Variants in SERINC5 observed in about 807,000 individuals in gnomAD.
SERINC5 encodes chromosome 5 open reading frame 12.
A neutral mutation model predicts 63.1 loss-of-function variants in SERINC5; 41 were observed. That is an observed-to-expected ratio of 0.65 (90% confidence interval 0.51 to 0.84). SERINC5 has a LOEUF of 0.84. SERINC5 is among the 40% of genes least tolerant of loss of function. SERINC5 has a pLI of 0.00. For synonymous variants in SERINC5, 222 were observed against 215.2 expected (o/e 1.03, Z -0.28); for missense variants, 523 against 573.0 (o/e 0.91, Z 0.89).
downstream of SERINC5, among the ~76,000 whole-genome samples, chr5:80,138,324 G>A (rs1316583037): frequency 6.6e-6 from 1 of 151,596 alleles, no homozygotes; most frequent in Non-Finnish European, 1.5e-5. Flanking sequence ...GGCCGGGCAC[G>A]GTGGCTCACG....
chr5:80,179,202 G>A (rs148678057), intron 2 of SERINC5, among the ~76,000 whole-genome samples: 8,013 of 152,186 alleles, frequency 0.053, 271 homozygotes, highest in Non-Finnish European at 0.067. Context: ...GGGAGGCTGA[G>A]GCAGGAGAAC....
intron 11 of SERINC5, among the ~76,000 whole-genome samples, chr5:80,131,984 T>G (rs1045445292): frequency 2.0e-5 from 3 of 152,026 alleles, no homozygotes; most frequent in Non-Finnish European, 2.9e-5. Flanking sequence ...AGAAGGCATA[T>G]GGAGAAAGAT....
chr5:80,213,386 C>A (rs140436298), intron 1 of SERINC5, among the ~76,000 whole-genome samples: 1 of 152,256 alleles, frequency 6.6e-6, no homozygotes, highest in East Asian at 1.9e-4. Context: ...TTTACAGAGA[C>A]GAGACCAAGG....
intron 1 of SERINC5, among the ~76,000 whole-genome samples, chr5:80,237,777 A>AG (rs1299649429): frequency 6.6e-6 from 1 of 151,812 alleles, no homozygotes; most frequent in East Asian, 1.9e-4. Context: ...AAGAAGTCAG[A>AG]GACTCAGCCC....
rs70982042 is a variant in SERINC5 at position 80,230,459 on chromosome 5, A to AAAAAAAAAAAAAAAAAAAAAAAG, written c.27+25436_27+25437insCTTTTTTTTTTTTTTTTTTTTTT. 2.3e-5 allele frequency among the ~76,000 whole-genome samples: 3 copies of AAAAAAAAAAAAAAAAAAAAAAAG among 128,630 alleles called. 1 individual carries two copies. Among genetic ancestry groups the AAAAAAAAAAAAAAAAAAAAAAAG allele is most frequent in the Admixed American group, 1.7e-4 (2 of 12,098 alleles). The allele number at this position is 128,630 out of a possible 152,430, so 84.4% of individuals were successfully genotyped here. ...CAAGACTGTCACAAAAAAAAAAAAA[A>AAAAAAAAAAAAAAAAAAAAAAAG]AAAGAAACCATTGCTCTTCAAATTT... is the stretch of plus-strand genomic sequence containing the variant. On this transcript the variant is annotated intron_variant, in intron 1 of 11. Transcript: ENST00000507668.
intron 2 of SERINC5, among the ~76,000 whole-genome samples, chr5:80,186,069 A>G (rs1235215432): frequency 7.3e-6 from 1 of 136,854 alleles, no homozygotes; most frequent in East Asian, 2.3e-4. Context: ...TAGATGCTCT[A>G]TTCACTTTAC....
chr5:80,177,368 C>T lies in SERINC5; in HGVS notation c.404G>A (p.Gly135Glu), dbSNP rs1263723330. Residue 135 changes from glycine (G) to glutamate (E), a missense_variant, in exon 4 of 12, where the codon GGG becomes GAG. Transcript: ENST00000507668. ...GFWFFKLLLL[G>E]AMCSGAFFIP... ...GAAGAAAGCTCCTGAGCACATGGCC[C>T]CCAACAGCAGAAGTTTAAAGAACCA... 6.2e-7 allele frequency: 1 copy of T among 1,613,518 alleles called. No homozygotes were observed. The highest frequency in any genetic ancestry group is 2.2e-5 in the East Asian group (1 of 44,888).
chr5:80,192,448 T>A (rs1336999420), intron 2 of SERINC5, among the ~76,000 whole-genome samples: 2 of 150,102 alleles, frequency 1.3e-5, no homozygotes, highest in African/African-American at 4.9e-5. Flanking sequence ...TTTTTTTTTT[T>A]AGCAGAAAAT....
At chr5:80,176,027 A>C (rs1748010390) in intron 4 of SERINC5, among the ~76,000 whole-genome samples, 1 of 151,830 alleles carries the variant, frequency 6.6e-6, no homozygotes, top group South Asian at 2.1e-4. Flanking sequence ...AAAAATACAA[A>C]AATTAGCCAG....
chr5:80,123,881 TTC>T (rs1383440592), intron 11 of SERINC5, among the ~76,000 whole-genome samples: 5 of 152,198 alleles, frequency 3.3e-5, no homozygotes, highest in Non-Finnish European at 7.3e-5. Flanking sequence ...ATATCCTTGT[TTC>T]TGTGCCTCTT....
chr5:80,148,278 C>A (rs1023927428), intron 9 of SERINC5, among the ~76,000 whole-genome samples: 5 of 147,546 alleles, frequency 3.4e-5, no homozygotes, highest in African/African-American at 1.3e-4. Context: ...GCAACCTCTG[C>A]CTCCTGGGTT....
intron 1 of SERINC5, among the ~76,000 whole-genome samples, chr5:80,217,961 C>T (rs1035320586): frequency 6.6e-6 from 1 of 152,174 alleles, no homozygotes; most frequent in Non-Finnish European, 1.5e-5. Flanking sequence ...ACTCAGCAGT[C>T]TGGAAAAGGA....
At chr5:80,203,214 G>T in intron 1 of SERINC5, 161 bp from the exon 2 acceptor site, 1 of 636,986 alleles carries the variant, frequency 1.6e-6, no homozygotes, top group South Asian at 1.7e-5. Context: ...AGTTTAGCCT[G>T]GTCAACACAG....
chr5:80,222,362 A>T lies in SERINC5; in HGVS notation c.28-19309T>A, dbSNP rs145015150. 6.6e-4 allele frequency among the ~76,000 whole-genome samples: 100 copies of T among 152,234 alleles called. 1 individual carries two copies. The highest frequency in any genetic ancestry group is 2.3e-3 in the African/African-American group (95 of 41,536). On this transcript the variant is annotated intron_variant, in intron 1 of 11. Coordinates refer to ENST00000507668, the MANE Select transcript of SERINC5 (RefSeq NM_001174072.3). ...CGGGACAAAGCTTTGCTGAATCATT[A>T]TCTCCTGTTATTACCTCACATCATC...
At chr5:80,198,630 G>T in intron 2 of SERINC5, 1 of 985,396 alleles carries the variant, frequency 1.0e-6, no homozygotes, top group Non-Finnish European at 1.2e-6. Flanking sequence ...CCAACAAAGA[G>T]GGGGTAAGGA....
intron 8 of SERINC5, among the ~76,000 whole-genome samples, chr5:80,156,124 C>G (rs1195056257): frequency 1.3e-5 from 2 of 152,172 alleles, no homozygotes; most frequent in African/African-American, 4.8e-5. Flanking sequence ...CCCAGGCAAT[C>G]TTGGCCTTCT....
At chr5:80,175,955 C>T (rs532164177) in intron 4 of SERINC5, among the ~76,000 whole-genome samples, 12 of 150,224 alleles carry the variant, frequency 8.0e-5, no homozygotes, top group Non-Finnish European at 1.6e-4. Flanking sequence ...CAAGAGGGGG[C>T]GGATCACAAG....
At position 80,151,086 on chromosome 5, in the gene SERINC5, C is replaced by G. The variant is rs1011964241; in HGVS notation, c.987-138G>C. On this transcript the variant is annotated intron_variant, in intron 8 of 11. Transcript: ENST00000507668. The stretch of plus-strand genomic sequence containing the variant: ...TTCAGGAGACTTAAATCAAAGCAAT[C>G]TATTTTAATACCTCTCCTTATTCCA... 1.6e-5 allele frequency: 11 copies of G among 682,782 alleles called. No homozygotes were observed. In the Admixed American group the frequency reaches 1.8e-4, roughly 11 times the overall value. The allele number at this position is 682,782 out of a possible 1,614,324, so 42.3% of individuals were successfully genotyped here.
chr5:80,179,282 G>A (rs1561399879), intron 2 of SERINC5, among the ~76,000 whole-genome samples: 1 of 152,206 alleles, frequency 6.6e-6, no homozygotes, highest in Non-Finnish European at 1.5e-5. Flanking sequence ...CTGGGCAACA[G>A]AGTGAGACTC....
Sources: allele counts gnomAD v4.1 joint callset (sites outside exome capture counted in the v4.1 genomes callset), GRCh38; gene constraint gnomAD v4.1.1; transcripts MANE v1.5; gene names NCBI Gene and HGNC (gene_info 2026-07-23, HGNC 2026-07-21).